LRRTM4: variants seen among roughly 807,000 people sequenced by gnomAD.
LRRTM4 encodes leucine-rich repeat transmembrane neuronal protein 4.
In LRRTM4, 25 loss-of-function variants were observed where a neutral mutation model predicts 47.6. The ratio of observed to expected loss-of-function variants is 0.53; its 90% CI spans 0.38 to 0.73. The LOEUF (loss-of-function observed/expected upper bound fraction) is 0.73, where lower values mean the gene tolerates loss of function less well. LRRTM4 is among the 30% of genes least tolerant of loss of function. LRRTM4 has a pLI of 0.00. For missense variants in LRRTM4, 638 were observed against 713.4 expected (o/e 0.89, Z 1.20); for synonymous variants, 311 against 269.5 (o/e 1.15, Z -1.51).
At chr2:77,123,028 A>G (rs907210477) in intron 3 of LRRTM4, among the ~76,000 whole-genome samples, 1 of 151,914 alleles carries the variant, frequency 6.6e-6, no homozygotes, top group Non-Finnish European at 1.5e-5. Context: ...AGAACAAAGA[A>G]AAATGATTAG....
At chr2:77,117,295 A>G (rs930938544) in intron 3 of LRRTM4, among the ~76,000 whole-genome samples, 7 of 152,030 alleles carry the variant, frequency 4.6e-5, no homozygotes, top group African/African-American at 1.7e-4. Flanking sequence ...GAAATATAAA[A>G]TTTTAGAAAA....
intron 3 of LRRTM4, among the ~76,000 whole-genome samples, chr2:77,092,786 G>A (rs543727645): frequency 7.4e-6 from 1 of 135,578 alleles, no homozygotes; most frequent in Non-Finnish European, 1.5e-5. Context: ...GATAACAGAT[G>A]AGCCTTTATT....
intron 3 of LRRTM4, among the ~76,000 whole-genome samples, chr2:77,080,424 A>G (rs2103853830): frequency 6.6e-6 from 1 of 152,306 alleles, no homozygotes; most frequent in African/African-American, 2.4e-5. Flanking sequence ...CAACTCTGAA[A>G]TGCATATCCT....
At chr2:77,454,874 T>C (rs1676462073) in intron 3 of LRRTM4, among the ~76,000 whole-genome samples, 1 of 152,094 alleles carries the variant, frequency 6.6e-6, no homozygotes, top group South Asian at 2.1e-4. Flanking sequence ...CTGCCCCCCC[T>C]TTTATTTATT....
chr2:77,023,938 C>T (rs529798652), intron 3 of LRRTM4, among the ~76,000 whole-genome samples: 10 of 152,022 alleles, frequency 6.6e-5, no homozygotes, highest in Non-Finnish European at 1.2e-4. Context: ...CTGATAAAGA[C>T]GTACCCAAGA....
chr2:77,451,815 A>G (rs559315015), intron 3 of LRRTM4, among the ~76,000 whole-genome samples: 22 of 152,338 alleles, frequency 1.4e-4, no homozygotes, highest in Non-Finnish European at 2.9e-4. Flanking sequence ...GGTTAAAAAA[A>G]TCTGTTGAAG....
chr2:76,824,758 T>G (rs1399762494), intron 3 of LRRTM4, among the ~76,000 whole-genome samples: 1 of 151,640 alleles, frequency 6.6e-6, no homozygotes, highest in Non-Finnish European at 1.5e-5. Flanking sequence ...TAAAGATGAC[T>G]GATCATAGGA....
intron 3 of LRRTM4, among the ~76,000 whole-genome samples, chr2:76,817,603 C>T (rs1049926728): frequency 1.3e-5 from 2 of 151,920 alleles, no homozygotes; most frequent in African/African-American, 2.4e-5. Flanking sequence ...TTCTGTAATT[C>T]CATTCTTGGC....
intron 3 of LRRTM4, among the ~76,000 whole-genome samples, chr2:77,373,840 G>A (rs1261651122): frequency 1.3e-5 from 2 of 151,720 alleles, no homozygotes; most frequent in African/African-American, 4.8e-5. Flanking sequence ...GAAAAGTCTA[G>A]GCAAGAGTGG....
chr2:76,811,712 G>C (rs1407196036), intron 3 of LRRTM4, among the ~76,000 whole-genome samples: 4 of 152,110 alleles, frequency 2.6e-5, no homozygotes, highest in Non-Finnish European at 5.9e-5. Context: ...ATCTTTAGAA[G>C]GGTCCCATGT....
rs147529028 is a variant in LRRTM4, at chr2:77,308,235, G to A, written c.1551+210083C>T. Among the ~76,000 whole-genome samples the A allele has an allele frequency of 8.7e-3, 1,310 of 150,902 alleles. 45 individuals carry two copies. Among genetic ancestry groups the A allele is most frequent in the Admixed American group, 0.053 (795 of 15,088 alleles). Reference sequence around the variant, plus strand: ...TTGGTATGAAATAAAGGGATTTATCGTTAATAAAATGAAATTCAAATTCAT... The same window carrying A: ...TTGGTATGAAATAAAGGGATTTATCATTAATAAAATGAAATTCAAATTCAT... On this transcript the variant is annotated intron_variant, in intron 3 of 3. Transcript: ENST00000409884.
intron 3 of LRRTM4, among the ~76,000 whole-genome samples, chr2:76,795,375 T>A (rs1675224119): frequency 6.6e-6 from 1 of 152,008 alleles, no homozygotes; most frequent in South Asian, 2.1e-4. Flanking sequence ...CAACTTTATA[T>A]AAGACAATTA....
At chr2:76,916,639 A>C (rs1412556500) in intron 3 of LRRTM4, among the ~76,000 whole-genome samples, 1 of 152,136 alleles carries the variant, frequency 6.6e-6, no homozygotes, top group Admixed American at 6.5e-5. Context: ...AAACATCACA[A>C]ATTCAAGCCT....
intron 3 of LRRTM4, among the ~76,000 whole-genome samples, chr2:76,943,987 C>T (rs373736877): frequency 6.6e-6 from 1 of 152,088 alleles, no homozygotes; most frequent in African/African-American, 2.4e-5. Flanking sequence ...CATTGATCTC[C>T]TAGATTTCAG....
intron 3 of LRRTM4, among the ~76,000 whole-genome samples, chr2:76,940,300 G>A (rs1675091925): frequency 6.6e-6 from 1 of 152,086 alleles, no homozygotes; most frequent in Non-Finnish European, 1.5e-5. Context: ...CAAGGAACAT[G>A]CAGACATAAA....
chr2:77,493,374 AATGAT>A (rs1282890651), intron 3 of LRRTM4, among the ~76,000 whole-genome samples: 2 of 152,094 alleles, frequency 1.3e-5, no homozygotes, highest in African/African-American at 2.4e-5. Context: ...TTTTTAAAAC[AATGAT>A]ATATATATTC....
At chr2:77,029,780 C>T (rs1490068654) in intron 3 of LRRTM4, among the ~76,000 whole-genome samples, 1 of 152,094 alleles carries the variant, frequency 6.6e-6, no homozygotes, top group African/African-American at 2.4e-5. Flanking sequence ...TTGAGCAGAA[C>T]AAAGATTTGT....
chr2:77,262,043 A>G (rs978178805), intron 3 of LRRTM4, among the ~76,000 whole-genome samples: 5 of 151,976 alleles, frequency 3.3e-5, no homozygotes, highest in Admixed American at 6.6e-5. Context: ...AGGAGCATGA[A>G]CCCTATTGTG....
At chr2:77,085,365 T>C (rs890464547) in intron 3 of LRRTM4, among the ~76,000 whole-genome samples, 1 of 148,648 alleles carries the variant, frequency 6.7e-6, no homozygotes, top group Non-Finnish European at 1.5e-5. Flanking sequence ...TACATTCAAC[T>C]GGCAATCCCT....
Sources: allele counts gnomAD v4.1 joint callset (sites outside exome capture counted in the v4.1 genomes callset), GRCh38; gene constraint gnomAD v4.1.1; transcripts MANE v1.5; gene names NCBI Gene and HGNC (gene_info 2026-07-23, HGNC 2026-07-21).